Variants in TRPM7 observed in about 807,000 individuals in gnomAD.
TRPM7 encodes the protein LTRPC ion channel family member 7.
In TRPM7, 134 loss-of-function variants were observed where a neutral mutation model predicts 229.7. That is an observed-to-expected ratio of 0.58 (90% CI 0.51 to 0.67). The LOEUF (loss-of-function observed/expected upper bound fraction) is 0.67, where lower values mean the gene tolerates loss of function less well. Ranked by LOEUF, TRPM7 falls within the 30% of genes least tolerant of loss-of-function variation. The pLI is 0.00. For missense variants in TRPM7, 1,901 were observed against 2,210.0 expected (o/e 0.86, Z 2.80); for synonymous variants, 699 against 715.2 (o/e 0.98, Z 0.36).
intron 7 of TRPM7, among the ~76,000 whole-genome samples, chr15:50,636,850 T>C (rs2060922475): frequency 2.6e-5 from 4 of 152,102 alleles, no homozygotes; most frequent in Admixed American, 2.6e-4. Flanking sequence ...TATTTATGGG[T>C]CAGGCGCAGT....
chr15:50,670,384 T>C lies in TRPM7; in HGVS notation c.4-7338A>G, dbSNP rs547598832. On this transcript the variant is annotated intron_variant, in intron 1 of 38. Transcript: ENST00000646667. Reference sequence around the variant, plus strand: ...GATGAGATGGGAGTCCAACATAAGATATAGGCCATAAAGACTGTGCTGATA... The same window carrying C: ...GATGAGATGGGAGTCCAACATAAGACATAGGCCATAAAGACTGTGCTGATA... 2.0e-5 allele frequency among the ~76,000 whole-genome samples: 3 copies of C among 152,130 alleles called. No homozygotes were observed. The South Asian group carries it at 6.2e-4, about 31-fold the overall frequency.
chr15:50,619,678 T>TA lies in TRPM7; in HGVS notation c.1494+66dup, dbSNP rs747202827. On this transcript the variant is annotated intron_variant, in intron 13 of 38. Transcript: ENST00000646667. Reference sequence around the variant, plus strand: ...AAATGTATTTAAATGATTTTTTTTTTAAAAAACATGAAATATAAATGATTT... The same window carrying TA: ...AAATGTATTTAAATGATTTTTTTTTTAAAAAAACATGAAATATAAATGATTT... The TA allele has an allele frequency of 2.2e-4, 236 of 1,086,330 alleles. 1 individual carries two copies. Among genetic ancestry groups the TA allele is most frequent in the South Asian group, 1.1e-3 (67 of 62,140 alleles). The allele number at this position is 1,086,330 out of a possible 1,614,324, so 67.3% of individuals were successfully genotyped here.
chr15:50,585,025 G>A (rs1020328157), intron 28 of TRPM7, among the ~76,000 whole-genome samples: 4 of 147,670 alleles, frequency 2.7e-5, no homozygotes, highest in African/African-American at 1.0e-4. Context: ...ACAGACGTGC[G>A]CCACCACATC....
At chr15:50,641,264 A>G (rs190333863) in intron 5 of TRPM7, among the ~76,000 whole-genome samples, 1 of 152,274 alleles carries the variant, frequency 6.6e-6, no homozygotes, top group East Asian at 1.9e-4. Context: ...TACTGCCTCT[A>G]CTAGTCACCA....
At chr15:50,593,136 A>C (rs989291012) in intron 25 of TRPM7, among the ~76,000 whole-genome samples, 2 of 152,034 alleles carry the variant, frequency 1.3e-5, no homozygotes, top group Non-Finnish European at 2.9e-5. Flanking sequence ...TAAAAATATA[A>C]AAATCAGCTG....
rs192909984 is a variant in TRPM7 at position 50,623,697 on chromosome 15, C to T, written c.1440+469G>A. Among the ~76,000 whole-genome samples the T allele has an allele frequency of 3.7e-4, 55 of 149,392 alleles. No homozygotes were observed. In the East Asian group the frequency reaches 9.8e-3, roughly 27 times the overall value. ...GAATAAAATGTGAAAGTCTTTGTTA[C>T]GAGAATAGTAAGTTTTCAGGAGTCC... On this transcript the variant is annotated intron_variant, in intron 12 of 38. Coordinates refer to ENST00000646667, the MANE Select transcript of TRPM7 (RefSeq NM_017672.6).
intron 1 of TRPM7, among the ~76,000 whole-genome samples, chr15:50,682,134 C>T (rs1029534648): frequency 1.5e-5 from 2 of 131,388 alleles, no homozygotes; most frequent in Non-Finnish European, 3.1e-5. Context: ...GCCGACATCG[C>T]GCCACCGCAA....
In TRPM7 at chr15:50,593,613, G is replaced by A. The variant is rs1452260474; in HGVS notation, c.3608+4C>T. 2 of 1,610,896 alleles carry A rather than the reference G, an allele frequency of 1.2e-6. No individual in the cohort carries two copies. Among genetic ancestry groups the A allele is most frequent in the Admixed American group, 1.7e-5 (1 of 59,712 alleles). On this transcript the variant is annotated splice_donor_region_variant and intron_variant, in intron 25 of 38. Coordinates refer to ENST00000646667, the MANE Select transcript of TRPM7 (RefSeq NM_017672.6). ...AACCGATTTTAACTAAAGGGCTTCT[G>A]AACCTTTCAAAAGTGACACGAATTC...
At chr15:50,563,826 T>A (rs918048011) in intron 38 of TRPM7, among the ~76,000 whole-genome samples, 1 of 152,196 alleles carries the variant, frequency 6.6e-6, no homozygotes, top group East Asian at 1.9e-4. Flanking sequence ...TCATCAGCTA[T>A]GGTAGTGACA....
At chr15:50,653,978 A>C (rs1277430778) in intron 3 of TRPM7, among the ~76,000 whole-genome samples, 1 of 152,206 alleles carries the variant, frequency 6.6e-6, no homozygotes, top group Admixed American at 6.6e-5. Context: ...CTATACCTTA[A>C]GAGGAAGGTC....
chr15:50,661,880 A>T (rs1456728853), intron 2 of TRPM7, among the ~76,000 whole-genome samples: 1 of 152,188 alleles, frequency 6.6e-6, no homozygotes, highest in African/African-American at 2.4e-5. Context: ...AAATAACTAT[A>T]TCTTAGATTT....
Position 50,637,594 on chromosome 15 carries a change from C to G in TRPM7, c.661-1G>C, listed in dbSNP as rs753417592. The G allele has an allele frequency of 3.7e-6, 6 of 1,610,366 alleles. No homozygotes were observed. The highest frequency in any genetic ancestry group is 8.5e-7 in the Non-Finnish European group (1 of 1,178,688). ...ATAAGGTTTGATAAGGAGCAACCAC[C>G]TAAACAATAGCAAACAAAAGAGTTA... On this transcript the variant is annotated splice_acceptor_variant, in intron 6 of 38. Transcript: ENST00000646667. LOFTEE classifies it high-confidence loss of function.
At chr15:50,683,546 C>G (rs1156737886) in intron 1 of TRPM7, among the ~76,000 whole-genome samples, 1 of 151,940 alleles carries the variant, frequency 6.6e-6, no homozygotes, top group African/African-American at 2.4e-5. Flanking sequence ...ACCAGCCTGG[C>G]CAACATGGCA....
chr15:50,575,871 GAAT>G lies in TRPM7; in HGVS notation c.4664_4666del (p.Tyr1555del), dbSNP rs1307134720. ...ATTTTGTTTTTAATATTACTGACCT[GAAT>G]AATAGTAATTTGTATCCATAGCTGG... On this transcript the variant is annotated inframe_deletion, in exon 32 of 39. Transcript: ENST00000646667. 6.2e-7 allele frequency: 1 copy of G among 1,613,010 alleles called. No homozygotes were observed. Among genetic ancestry groups the G allele is most frequent in the Non-Finnish European group, 8.5e-7 (1 of 1,179,492 alleles).
Position 50,558,002 on chromosome 15 carries a change from G to A in TRPM7, c.*3676C>T, listed in dbSNP as rs1466647954. 6.6e-6 allele frequency: 1 copy of A among 152,160 alleles called. No homozygotes were observed. The highest frequency in any genetic ancestry group is 2.4e-5 in the African/African-American group (1 of 41,428). The allele number at this position is 152,160 out of a possible 1,614,324, so 9.4% of individuals were successfully genotyped here. ...GTTTTATTCTCTTCAGTAAGATGAG[G>A]TTGAGAATAAAAAATTAAAAAGATT... On this transcript the variant is annotated 3_prime_UTR_variant, in exon 39 of 39. Coordinates refer to ENST00000646667, the MANE Select transcript of TRPM7 (RefSeq NM_017672.6).
chr15:50,659,639 A>G (rs2061677233), intron 2 of TRPM7, among the ~76,000 whole-genome samples: 1 of 151,964 alleles, frequency 6.6e-6, no homozygotes, highest in Non-Finnish European at 1.5e-5. Flanking sequence ...ATAAAACTAT[A>G]GAAAATAAAC....
At chr15:50,584,979 G>A (rs3101857) in intron 28 of TRPM7, among the ~76,000 whole-genome samples, 27,457 of 150,686 alleles carry the variant, frequency 0.18, 3,212 homozygotes, top group East Asian at 0.46. Context: ...GGGTTCAAGC[G>A]ATTCTTCTTC....
At chr15:50,565,834 T>G (rs1459456427) in intron 38 of TRPM7, among the ~76,000 whole-genome samples, 2 of 152,018 alleles carry the variant, frequency 1.3e-5, no homozygotes, top group Non-Finnish European at 2.9e-5. Context: ...TTTTGTTTTT[T>G]TTTTTTTGAG....
intron 36 of TRPM7, among the ~76,000 whole-genome samples, chr15:50,572,053 T>C (rs1163858314): frequency 2.6e-5 from 4 of 152,194 alleles, no homozygotes; most frequent in African/African-American, 9.6e-5. Flanking sequence ...CCTAGCACTG[T>C]GGGAGGACTG....
Sources: allele counts gnomAD v4.1 joint callset (sites outside exome capture counted in the v4.1 genomes callset), GRCh38; gene constraint gnomAD v4.1.1; transcripts MANE v1.5; gene names NCBI Gene and HGNC (gene_info 2026-07-23, HGNC 2026-07-21).